MAGOH: variants seen among roughly 807,000 people sequenced by gnomAD.
The protein encoded by MAGOH is mago homolog, exon junction complex subunit, also known as protein mago nashi homolog.
In MAGOH, 3 loss-of-function variants were observed where a neutral mutation model predicts 20.9. The ratio of observed to expected loss-of-function variants is 0.14; its 90% confidence interval spans 0.07 to 0.37. The LOEUF is 0.37. Ranked by LOEUF, MAGOH falls within the 10% of genes least tolerant of loss-of-function variation. The probability of loss-of-function intolerance (pLI) is 1.00; values close to 1 mark genes in which losing one functional copy is unlikely to be tolerated. For synonymous variants in MAGOH, 51 were observed against 61.0 expected, an observed-to-expected ratio of 0.84 and a Z score of 0.76; for missense variants, 66 against 178.1, an observed-to-expected ratio of 0.37 and a Z score of 3.58.
chr1:53,230,386 T>A (rs1335454888), intron 3 of MAGOH, among the ~76,000 whole-genome samples: 2 of 152,188 alleles, frequency 1.3e-5, no homozygotes, highest in Non-Finnish European at 2.9e-5. Context: ...TCCCGATTTG[T>A]TCCACTCTTG....
intron 3 of MAGOH, among the ~76,000 whole-genome samples, chr1:53,231,586 G>C (rs755693353): frequency 6.6e-6 from 1 of 152,142 alleles, no homozygotes; most frequent in African/African-American, 2.4e-5. Context: ...TAATGTGAAA[G>C]TCCACCTCTG....
At chr1:53,230,776 GTCT>G (rs746291875) in intron 3 of MAGOH, among the ~76,000 whole-genome samples, 4 of 152,036 alleles carry the variant, frequency 2.6e-5, no homozygotes, top group African/African-American at 4.8e-5. Flanking sequence ...TTACAAAATG[GTCT>G]TATTATACAT....
At chr1:53,233,787 C>G in intron 2 of MAGOH, 135 bp from the exon 3 acceptor site, 2 of 649,936 alleles carry the variant, frequency 3.1e-6, no homozygotes, top group Non-Finnish European at 2.8e-6. Flanking sequence ...GACATTCATG[C>G]TCAACCTCGG....
chr1:53,237,270 A>G (rs1200737932), intron 1 of MAGOH, among the ~76,000 whole-genome samples: 3 of 151,556 alleles, frequency 2.0e-5, no homozygotes, highest in Non-Finnish European at 4.4e-5. Flanking sequence ...TCGTGTCTTG[A>G]CAACTGCAAC....
chr1:53,233,363 G>T, intron 3 of MAGOH, 179 bp downstream of exon 3: 3 of 501,344 alleles, frequency 6.0e-6, no homozygotes, highest in Non-Finnish European at 7.2e-6. Context: ...TTATTTGTAT[G>T]ATTTTCCTTT....
At position 53,232,443 on chromosome 1, in the gene MAGOH, A is replaced by C. The variant is rs556089746; in HGVS notation, c.258+1099T>G. ...ACATATTGTGATAAAACTGAAAGCA[A>C]AAAGAAAAAAAAACACAAAAAGACA... On this transcript the variant is annotated intron_variant, in intron 3 of 4. Coordinates refer to ENST00000371470, the MANE Select transcript of MAGOH (RefSeq NM_002370.4). 9.2e-5 allele frequency among the ~76,000 whole-genome samples: 14 copies of C among 152,240 alleles called. No homozygotes were observed. The South Asian group carries it at 2.5e-3, about 27-fold the overall frequency.
At chr1:53,230,574 C>G (rs563232990) in intron 3 of MAGOH, among the ~76,000 whole-genome samples, 1 of 151,686 alleles carries the variant, frequency 6.6e-6, no homozygotes, top group Admixed American at 6.6e-5. Flanking sequence ...TGCGCCACCA[C>G]GCCCAGTTAA....
At chr1:53,233,396 T>C (rs1181210524) in intron 3 of MAGOH, 146 bp downstream of exon 3, 2 of 560,070 alleles carry the variant, frequency 3.6e-6, no homozygotes, top group Admixed American at 6.7e-5. Flanking sequence ...GAAATAATTA[T>C]GTTCTATTTC....
intron 3 of MAGOH, among the ~76,000 whole-genome samples, chr1:53,230,331 A>G (rs2100302999): frequency 6.6e-6 from 1 of 152,304 alleles, no homozygotes. Flanking sequence ...GAAGTAAAAT[A>G]TTACAAAGTT....
chr1:53,235,180 A>C (rs1645605323), intron 2 of MAGOH, among the ~76,000 whole-genome samples: 1 of 152,222 alleles, frequency 6.6e-6, no homozygotes, highest in Non-Finnish European at 1.5e-5. Context: ...TACCATGTAC[A>C]CAGGGAATAT....
chr1:53,230,743 C>T (rs1214912938), intron 3 of MAGOH, among the ~76,000 whole-genome samples: 3 of 152,070 alleles, frequency 2.0e-5, no homozygotes, highest in East Asian at 3.8e-4. Context: ...CTGGCCTAGA[C>T]GTGGTAGTGT....
intron 3 of MAGOH, 167 bp downstream of exon 3, chr1:53,233,375 A>T: frequency 1.9e-6 from 1 of 529,794 alleles, no homozygotes; most frequent in Non-Finnish European, 3.4e-6. Flanking sequence ...TTTTCCTTTC[A>T]TTAGATTGTT....
At chr1:53,230,894 C>T (rs138143070) in intron 3 of MAGOH, among the ~76,000 whole-genome samples, 1 of 152,316 alleles carries the variant, frequency 6.6e-6, no homozygotes, top group East Asian at 1.9e-4. Context: ...CATTTCCCTA[C>T]TGAAATAAAC....
chr1:53,237,596 C>T (rs1425802176), intron 1 of MAGOH, among the ~76,000 whole-genome samples: 1 of 146,704 alleles, frequency 6.8e-6, no homozygotes, highest in Non-Finnish European at 1.5e-5. Context: ...ATCACTTGAA[C>T]CCGGGAGGCG....
chr1:53,232,098 T>C (rs1467661305), intron 3 of MAGOH, among the ~76,000 whole-genome samples: 3 of 152,152 alleles, frequency 2.0e-5, no homozygotes, highest in Non-Finnish European at 4.4e-5. Context: ...GTAGAACGAG[T>C]TAATAGAAAT....
At position 53,238,483 on chromosome 1, in the gene MAGOH, G is replaced by A. The variant is rs751128432; in HGVS notation, c.-35C>T. 8.8e-6 allele frequency: 14 copies of A among 1,592,782 alleles called. No individual in the cohort carries two copies. In the East Asian group the frequency reaches 8.9e-5, roughly 10 times the overall value. ...AAGACAACCGAGCCTGAACTTCCAA[G>A]AGCAAGCCGCACTGCCGCCGTCTGC... On this transcript the variant is annotated 5_prime_UTR_variant, in exon 1 of 5. Transcript: ENST00000371470.
intron 4 of MAGOH, 127 bp from the exon 5 acceptor site, chr1:53,227,271 T>A: frequency 2.0e-6 from 1 of 491,960 alleles, no homozygotes; most frequent in Non-Finnish European, 3.6e-6. Context: ...GTTTTTAATA[T>A]AGGGAAATGC....
chr1:53,233,820 G>A (rs1218554034), intron 2 of MAGOH, 168 bp from the exon 3 acceptor site: 1 of 570,002 alleles, frequency 1.8e-6, no homozygotes, highest in Non-Finnish European at 3.2e-6. Context: ...GAGGGACACG[G>A]TCAGAAGTAT....
At chr1:53,229,365 AT>A (rs929411883) in intron 3 of MAGOH, among the ~76,000 whole-genome samples, 1 of 151,708 alleles carries the variant, frequency 6.6e-6, no homozygotes, top group African/African-American at 2.4e-5. Context: ...CGCCCGGCTA[AT>A]TTTTTTTGTA....
Sources: gnomAD v4.1 joint callset for allele counts (sites outside exome capture counted in the v4.1 genomes callset) on GRCh38, gnomAD v4.1.1 for gene constraint, MANE v1.5 for transcripts, NCBI Gene and HGNC (gene_info 2026-07-23, HGNC 2026-07-21) for gene names.